The following SLC24A4 variants were observed in gnomAD, a reference collection of about 807,000 sequenced individuals.
The protein encoded by SLC24A4 is sodium/potassium/calcium exchanger 4.
SLC24A4 carries 53 observed loss-of-function variants against 79.0 expected under a neutral mutation model. The ratio of observed to expected loss-of-function variants is 0.67; its 90% CI spans 0.54 to 0.84. The LOEUF is 0.84. SLC24A4 is among the 40% of genes least tolerant of loss of function. SLC24A4 has a pLI of 0.00. For synonymous variants in SLC24A4, 323 were observed against 323.8 expected, an observed-to-expected ratio of 1.00 and a Z score of 0.03; for missense variants, 731 against 822.0, an observed-to-expected ratio of 0.89 and a Z score of 1.35.
At chr14:92,349,270 C>T (rs1886729641) in intron 2 of SLC24A4, among the ~76,000 whole-genome samples, 1 of 152,084 alleles carries the variant, frequency 6.6e-6, no homozygotes, top group Non-Finnish European at 1.5e-5. Flanking sequence ...AGCAATTACC[C>T]TGCCTCAGCC....
At chr14:92,448,395 A>T (rs1363436761) in intron 9 of SLC24A4, among the ~76,000 whole-genome samples, 1 of 89,418 alleles carries the variant, frequency 1.1e-5, no homozygotes. Flanking sequence ...CCTACTCATG[A>T]GCTGAGCCAT....
chr14:92,489,961 C>T (rs745882238), intron 14 of SLC24A4, among the ~76,000 whole-genome samples: 7 of 152,288 alleles, frequency 4.6e-5, no homozygotes, highest in South Asian at 2.1e-4. Context: ...TTCCCAGAGA[C>T]GCCACTCCTA....
intron 2 of SLC24A4, among the ~76,000 whole-genome samples, chr14:92,396,697 T>A (rs901116899): frequency 6.6e-6 from 1 of 152,244 alleles, no homozygotes; most frequent in African/African-American, 2.4e-5. Context: ...GTAGGTTTGA[T>A]GCCCAGCGTG....
chr14:92,431,831 G>A (rs1217176740), intron 2 of SLC24A4, among the ~76,000 whole-genome samples: 4 of 152,210 alleles, frequency 2.6e-5, no homozygotes, highest in Non-Finnish European at 5.9e-5. Context: ...ACAAGCTCAT[G>A]CGTAGTCGAG....
Position 92,441,607 on chromosome 14 carries a change from G to A in SLC24A4, c.394-482G>A, listed in dbSNP as rs952907689. On this transcript the variant is annotated intron_variant, in intron 4 of 16. Coordinates refer to ENST00000532405, the MANE Select transcript of SLC24A4 (RefSeq NM_153646.4). This position sits in a 1 kb window ranked among gnomAD's most constrained non-coding sequence, Gnocchi z 4.6. ...GTCACTAGACTAGTGTGTGCCTGTGGAGCACCACTCTGTGCCAGACCCTGT... is the reference window on the plus strand; with the variant it reads ...GTCACTAGACTAGTGTGTGCCTGTGAAGCACCACTCTGTGCCAGACCCTGT... 6.6e-6 allele frequency among the ~76,000 whole-genome samples: 1 copy of A among 152,204 alleles called. No individual in the cohort carries two copies. The highest frequency in any genetic ancestry group is 1.5e-5 in the Non-Finnish European group (1 of 68,040).
chr14:92,422,778 G>T (rs890813577), intron 2 of SLC24A4, among the ~76,000 whole-genome samples: 22 of 152,174 alleles, frequency 1.4e-4, no homozygotes, highest in African/African-American at 4.8e-4. Flanking sequence ...GTTTGGTTGT[G>T]CAGTACGTAG....
intron 1 of SLC24A4, among the ~76,000 whole-genome samples, chr14:92,325,268 G>C (rs1014495303): frequency 6.6e-6 from 1 of 152,226 alleles, no homozygotes; most frequent in African/African-American, 2.4e-5. Flanking sequence ...AGGAGTTTAA[G>C]TGTGCTTGGT....
intron 12 of SLC24A4, among the ~76,000 whole-genome samples, chr14:92,469,288 C>T (rs530073622): frequency 7.9e-5 from 12 of 152,200 alleles, no homozygotes; most frequent in Non-Finnish European, 1.0e-4. Context: ...GTGGGCAGAT[C>T]ACGAGGTCAG....
intron 2 of SLC24A4, among the ~76,000 whole-genome samples, chr14:92,365,130 C>T (rs917677570): frequency 1.3e-5 from 2 of 152,386 alleles, no homozygotes; most frequent in Admixed American, 1.3e-4. Context: ...AAAGTCTGCC[C>T]AGCTCCCACT....
intron 2 of SLC24A4, among the ~76,000 whole-genome samples, chr14:92,397,204 T>G (rs1291187150): frequency 6.6e-6 from 1 of 152,198 alleles, no homozygotes; most frequent in Non-Finnish European, 1.5e-5. Flanking sequence ...TCACGGTGGA[T>G]AATCCGAAAT....
chr14:92,446,339 G>T (rs1892797256), intron 8 of SLC24A4, among the ~76,000 whole-genome samples: 1 of 152,146 alleles, frequency 6.6e-6, no homozygotes, highest in African/African-American at 2.4e-5. Flanking sequence ...TAGAGATGGG[G>T]TTTCACCATG....
intron 14 of SLC24A4, among the ~76,000 whole-genome samples, chr14:92,488,774 C>T (rs1322902958): frequency 2.6e-5 from 4 of 152,220 alleles, no homozygotes; most frequent in South Asian, 2.1e-4. Flanking sequence ...GTCATGCCAG[C>T]GCCAGCGGTG....
chr14:92,421,452 A>C (rs1192340517), intron 2 of SLC24A4, among the ~76,000 whole-genome samples: 1 of 151,994 alleles, frequency 6.6e-6, no homozygotes, highest in Non-Finnish European at 1.5e-5. Flanking sequence ...CACCATATAA[A>C]TGAGATCATA....
At chr14:92,361,502 GA>G (rs571724765) in intron 2 of SLC24A4, among the ~76,000 whole-genome samples, 13,935 of 144,866 alleles carry the variant, frequency 0.096, 1,352 homozygotes, top group African/African-American at 0.25. Context: ...AAATGGAAAG[GA>G]AAAAAAAAAA....
chr14:92,415,294 G>A (rs770601010), intron 2 of SLC24A4, among the ~76,000 whole-genome samples: 3 of 152,114 alleles, frequency 2.0e-5, no homozygotes, highest in African/African-American at 4.8e-5. Context: ...ATGATGTTCC[G>A]AGGCTTCTCC....
chr14:92,471,632 A>G (rs940338501), intron 12 of SLC24A4, among the ~76,000 whole-genome samples: 3 of 152,192 alleles, frequency 2.0e-5, no homozygotes, highest in African/African-American at 7.2e-5. Context: ...TTGGATTCCC[A>G]GTACCTAGAA....
At chr14:92,405,385 G>T (rs1184102745) in intron 2 of SLC24A4, among the ~76,000 whole-genome samples, 1 of 152,208 alleles carries the variant, frequency 6.6e-6, no homozygotes, top group African/African-American at 2.4e-5. Flanking sequence ...GGGTCATTAG[G>T]ATAGCAAGGC....
At chr14:92,427,198 C>A (rs1011983650) in intron 2 of SLC24A4, among the ~76,000 whole-genome samples, 1 of 152,226 alleles carries the variant, frequency 6.6e-6, no homozygotes, top group Non-Finnish European at 1.5e-5. Flanking sequence ...CCTGGGGAGC[C>A]ATCCAGGCAG....
chr14:92,364,799 G>T (rs1048338634), intron 2 of SLC24A4, among the ~76,000 whole-genome samples: 4 of 152,234 alleles, frequency 2.6e-5, no homozygotes, highest in African/African-American at 9.6e-5. Flanking sequence ...ACCAAGGCAG[G>T]TGGCTCCTGC....
Sources: allele counts gnomAD v4.1 joint callset (sites outside exome capture counted in the v4.1 genomes callset), GRCh38; gene constraint gnomAD v4.1.1; non-coding constraint Gnocchi (gnomAD v3.1); transcripts MANE v1.5; gene names NCBI Gene and HGNC (gene_info 2026-07-23, HGNC 2026-07-21).